The following ERBB4 variants were observed in gnomAD, a reference collection of about 807,000 sequenced individuals.
The protein encoded by ERBB4 is erb-b2 receptor tyrosine kinase 4, also known as receptor tyrosine-protein kinase erbB-4.
ERBB4 carries 42 observed loss-of-function variants against 158.0 expected under a neutral mutation model. The observed-to-expected ratio is 0.27, with a 90% CI of 0.21 to 0.34. ERBB4 has a LOEUF of 0.34. Among genes scored for constraint, ERBB4 ranks in the 10% least tolerant of loss-of-function variants. The pLI, the probability that ERBB4 is intolerant of heterozygous loss-of-function variation, is 1.00. For missense variants in ERBB4, 1,333 were observed against 1,624.1 expected (o/e 0.82, Z 3.08); for synonymous variants, 583 against 558.7 (o/e 1.04, Z -0.61).
In ERBB4 at chr2:211,383,903, G is replaced by A. The variant is rs140175824; in HGVS notation, c.3639C>T (p.Ala1213=). 2.9e-4 allele frequency: 463 copies of A among 1,613,926 alleles called. No individual in the cohort carries two copies. Among genetic ancestry groups the A allele is most frequent in the Middle Eastern group, 1.2e-3 (7 of 6,082 alleles). ...VNEPLYLNTF[A]NTLGKAEYLK... Reference sequence around the variant, plus strand: ...GGTACTCAGCTTTTCCCAAGGTGTTGGCAAAGGTGTTGAGGTACAGTGGCT... The same window carrying A: ...GGTACTCAGCTTTTCCCAAGGTGTTAGCAAAGGTGTTGAGGTACAGTGGCT... The change falls in exon 28 of 28, where the codon GCC becomes GCT. Residue 1213 remains alanine, a synonymous_variant. Transcript: ENST00000342788.
chr2:211,892,961 A>G (rs1402039031), intron 3 of ERBB4, among the ~76,000 whole-genome samples: 3 of 146,912 alleles, frequency 2.0e-5, no homozygotes, highest in Admixed American at 2.0e-4. Flanking sequence ...GGAAGAATCA[A>G]TATCGTGAAA....
chr2:212,359,650 C>G (rs1427439583), intron 1 of ERBB4, among the ~76,000 whole-genome samples: 1 of 151,662 alleles, frequency 6.6e-6, no homozygotes, highest in Non-Finnish European at 1.5e-5. Context: ...GCAGTTTTGT[C>G]TGGGAAACCT....
intron 1 of ERBB4, among the ~76,000 whole-genome samples, chr2:212,217,441 A>G (rs1460061815): frequency 6.6e-6 from 1 of 151,378 alleles, no homozygotes; most frequent in African/African-American, 2.4e-5. Context: ...TTAGAAGAAA[A>G]AAAAAGACAT....
chr2:212,373,782 T>C lies in ERBB4; in HGVS notation c.82+164667A>G, dbSNP rs1326810592. On this transcript the variant is annotated intron_variant, in intron 1 of 27. Transcript: ENST00000342788. Reference sequence around the variant, plus strand: ...ATATCCACGTATATATCCATGTATATATCCACGTATATATATCCATATATA... The same window carrying C: ...ATATCCACGTATATATCCATGTATACATCCACGTATATATATCCATATATA... Among the ~76,000 whole-genome samples the C allele has an allele frequency of 2.1e-5, 3 of 142,556 alleles. 1 individual carries two copies. The highest frequency in any genetic ancestry group is 7.7e-5 in the African/African-American group (3 of 38,962). The allele number at this position is 142,556 out of a possible 152,430, so 93.5% of individuals were successfully genotyped here.
chr2:212,346,767 A>G (rs537315859), intron 1 of ERBB4, among the ~76,000 whole-genome samples: 1 of 152,242 alleles, frequency 6.6e-6, no homozygotes, highest in East Asian at 1.9e-4. Context: ...AATGCACAGG[A>G]AGGAGCCTAC....
chr2:212,511,067 T>C (rs183860263), intron 1 of ERBB4, among the ~76,000 whole-genome samples: 34 of 152,268 alleles, frequency 2.2e-4, no homozygotes, highest in Admixed American at 1.8e-3. Context: ...AAAAAACGGA[T>C]ATTTTAGACA....
rs543428973 is a variant in ERBB4 at position 212,194,738 on chromosome 2, T to C, written c.83-69835A>G. On this transcript the variant is annotated intron_variant, in intron 1 of 27. Coordinates refer to ENST00000342788, the MANE Select transcript of ERBB4 (RefSeq NM_005235.3). ...ATTAAAGAAAAATAAAAACATATAT[T>C]TTTGCTGGCATATCTGAAGGTTTTT... Among the ~76,000 whole-genome samples, 730 of 149,292 alleles carry C rather than the reference T, an allele frequency of 4.9e-3. 7 individuals carry two copies. Among genetic ancestry groups the C allele is most frequent in the Middle Eastern group, 0.017 (5 of 294 alleles).
At chr2:211,481,613 T>A (rs1469414379) in intron 20 of ERBB4, among the ~76,000 whole-genome samples, 1 of 151,730 alleles carries the variant, frequency 6.6e-6, no homozygotes, top group African/African-American at 2.4e-5. Flanking sequence ...GAATATATGA[T>A]CATGGTTACA....
chr2:211,636,109 G>T (rs112586632), intron 16 of ERBB4, among the ~76,000 whole-genome samples: 1 of 109,814 alleles, frequency 9.1e-6, no homozygotes, highest in African/African-American at 3.1e-5. Flanking sequence ...GCGTGTGTGT[G>T]TTTTTTTAAA....
intron 12 of ERBB4, among the ~76,000 whole-genome samples, chr2:211,679,640 G>A (rs2072253048): frequency 6.6e-6 from 1 of 151,500 alleles, no homozygotes; most frequent in Admixed American, 6.6e-5. Flanking sequence ...ATAATTTATA[G>A]AGGGTAAGAA....
rs1375191540 is a variant in ERBB4, at chr2:211,898,619, C to A, written c.421+48811G>T. On this transcript the variant is annotated intron_variant, in intron 3 of 27. Transcript: ENST00000342788. ...TTTCATGACACAGTGACTTAAAAAT[C>A]CATTAAATGTTTTTAAAAAATGCAC... Among the ~76,000 whole-genome samples, 28 of 152,100 alleles carry A rather than the reference C, an allele frequency of 1.8e-4. 1 individual carries two copies. Among genetic ancestry groups the A allele is most frequent in the Admixed American group, 1.8e-3 (28 of 15,246 alleles).
chr2:211,622,542 A>G (rs1403139788), intron 18 of ERBB4, among the ~76,000 whole-genome samples: 1 of 152,194 alleles, frequency 6.6e-6, no homozygotes. Flanking sequence ...AATTATTAAT[A>G]TTTTTTGTTA....
chr2:211,937,526 G>A (rs1344748599), intron 3 of ERBB4, among the ~76,000 whole-genome samples: 2 of 152,074 alleles, frequency 1.3e-5, no homozygotes, highest in Non-Finnish European at 2.9e-5. Context: ...CCAAGATTGG[G>A]TAATTTATAA....
intron 1 of ERBB4, among the ~76,000 whole-genome samples, chr2:212,187,403 C>G (rs2082045410): frequency 7.9e-6 from 1 of 126,796 alleles, no homozygotes; most frequent in Admixed American, 8.5e-5. Flanking sequence ...CACATGTACC[C>G]TAAAACTTAA....
intron 1 of ERBB4, among the ~76,000 whole-genome samples, chr2:212,477,660 G>A (rs1164706422): frequency 6.6e-6 from 1 of 152,182 alleles, no homozygotes; most frequent in Non-Finnish European, 1.5e-5. Flanking sequence ...CTTTTGAATC[G>A]CTCAAGTTGA....
chr2:211,512,124 C>G (rs2065898475), intron 20 of ERBB4, among the ~76,000 whole-genome samples: 1 of 152,112 alleles, frequency 6.6e-6, no homozygotes, highest in Non-Finnish European at 1.5e-5. Flanking sequence ...TTGGGAAAAA[C>G]TGGCAACATT....
chr2:211,541,970 A>C (rs532420834), intron 20 of ERBB4, among the ~76,000 whole-genome samples: 2 of 152,088 alleles, frequency 1.3e-5, no homozygotes, highest in African/African-American at 4.8e-5. Context: ...GCAAAACCAA[A>C]GATGTAATAA....
intron 1 of ERBB4, among the ~76,000 whole-genome samples, chr2:212,215,194 T>C (rs2083060876): frequency 6.6e-6 from 1 of 151,566 alleles, no homozygotes; most frequent in Admixed American, 6.6e-5. Flanking sequence ...CACAGCATTT[T>C]ATGCTTAGGA....
intron 3 of ERBB4, among the ~76,000 whole-genome samples, chr2:211,893,015 C>T (rs966208426): frequency 2.7e-5 from 4 of 148,070 alleles, no homozygotes; most frequent in Admixed American, 2.7e-4. Context: ...AATGCCATCC[C>T]CATAAAGCTA....
Sources: gnomAD v4.1 joint callset for allele counts (sites outside exome capture counted in the v4.1 genomes callset) on GRCh38, gnomAD v4.1.1 for gene constraint, MANE v1.5 for transcripts, NCBI Gene and HGNC (gene_info 2026-07-23, HGNC 2026-07-21) for gene names.